SNX19: variants seen among roughly 807,000 people sequenced by gnomAD.
The protein encoded by SNX19 is sorting nexin 19.
SNX19 carries 60 observed loss-of-function variants against 85.2 expected under a neutral mutation model. That is an observed-to-expected ratio of 0.70 (90% CI 0.57 to 0.87). The LOEUF (loss-of-function observed/expected upper bound fraction) is 0.87, where lower values mean the gene tolerates loss of function less well. Among genes scored for constraint, SNX19 ranks in the 40% least tolerant of loss-of-function variants. The pLI, the probability that SNX19 is intolerant of heterozygous loss-of-function variation, is 0.00. For missense variants in SNX19, 1,201 were observed against 1,217.8 expected, an observed-to-expected ratio of 0.99 and a Z score of 0.21; for synonymous variants, 520 against 470.0, an observed-to-expected ratio of 1.11 and a Z score of -1.38.
chr11:130,885,089 G>C (rs1943964488), intron 8 of SNX19, among the ~76,000 whole-genome samples: 1 of 151,950 alleles, frequency 6.6e-6, no homozygotes, highest in African/African-American at 2.4e-5. Flanking sequence ...TCCCAAAGAA[G>C]AGAAGAAAAA....
At chr11:130,885,037 A>C (rs559049890) in intron 8 of SNX19, among the ~76,000 whole-genome samples, 79 of 152,248 alleles carry the variant, frequency 5.2e-4, no homozygotes, top group Admixed American at 8.5e-4. Flanking sequence ...TCCAGGTCTG[A>C]TATTTGATTT....
chr11:130,903,714 C>CAT (rs1218064524), intron 7 of SNX19, among the ~76,000 whole-genome samples: 2 of 93,380 alleles, frequency 2.1e-5, no homozygotes, highest in African/African-American at 8.2e-5. Context: ...TATATATACA[C>CAT]ATACACACAC....
At chr11:130,907,649 C>T (rs927727571) in intron 5 of SNX19, among the ~76,000 whole-genome samples, 1 of 152,182 alleles carries the variant, frequency 6.6e-6, no homozygotes, top group African/African-American at 2.4e-5. Flanking sequence ...TCTCAATTTT[C>T]CAGGAAAAGA....
At chr11:130,909,486 T>G (rs1254268263) in intron 4 of SNX19, among the ~76,000 whole-genome samples, 4 of 152,210 alleles carry the variant, frequency 2.6e-5, no homozygotes, top group African/African-American at 9.7e-5. Context: ...GCTTACAAGC[T>G]CTGACATGTT....
At chr11:130,894,901 C>T in intron 8 of SNX19, 1 of 985,364 alleles carries the variant, frequency 1.0e-6, no homozygotes, top group Non-Finnish European at 1.2e-6. Context: ...ATCTCTTATC[C>T]CCCCAAAGAA....
At chr11:130,905,929 G>A (rs1435338390) in intron 7 of SNX19, 24 bp downstream of exon 7, 3 of 1,614,154 alleles carry the variant, frequency 1.9e-6, no homozygotes, top group Non-Finnish European at 2.5e-6. Flanking sequence ...CCTTCTCCAT[G>A]GGAGCAGAGA....
intron 7 of SNX19, among the ~76,000 whole-genome samples, chr11:130,903,696 C>T (rs1051667241): frequency 1.5e-5 from 2 of 134,618 alleles, no homozygotes; most frequent in African/African-American, 5.5e-5. Flanking sequence ...TGTATATATA[C>T]ATATATATAT....
Position 130,914,373 on chromosome 11 carries a change from T to A in SNX19, c.1567A>T (p.Ser523Cys). 1 of 1,613,892 alleles carries A rather than the reference T, an allele frequency of 6.2e-7. No homozygotes were observed. The highest frequency in any genetic ancestry group is 1.7e-4 in the Middle Eastern group (1 of 6,044). ...SATFSFEPLS[S>C]PDGPVIIQNL... ...TGGATGATAACTGGACCATCGGGAC[T>A]GCTTAGGGGCTCAAAGCTGAAGGTG... The change falls in exon 1 of 11, where the codon AGT becomes TGT. Residue 523 changes from serine to cysteine, a missense_variant. Ser to Cys is a moderately radical substitution (Grantham distance 112, BLOSUM62 -1). Transcript: ENST00000265909.
Position 130,866,716 on chromosome 11 carries a change from A to G in SNX19, c.*11706T>C, listed in dbSNP as rs1240486853. The G allele has an allele frequency of 2.0e-5, 3 of 152,252 alleles. No homozygotes were observed. The highest frequency in any genetic ancestry group is 7.2e-5 in the African/African-American group (3 of 41,458). The allele number at this position is 152,252 out of a possible 1,614,324, so 9.4% of individuals were successfully genotyped here. A position where few individuals can be genotyped will look rare whatever the true frequency, so the allele number is the denominator to read the frequency against. ...CAGAGTGCCAGGAGCCCTTAGCTCT[A>G]GACTTACTGAACAGAAAGACCTTGG... On this transcript the variant is annotated 3_prime_UTR_variant, in exon 11 of 11. Transcript: ENST00000265909.
At chr11:130,884,258 A>C (rs1943891073) in intron 8 of SNX19, among the ~76,000 whole-genome samples, 1 of 152,206 alleles carries the variant, frequency 6.6e-6, no homozygotes, top group Non-Finnish European at 1.5e-5. Context: ...CGGAAGACAA[A>C]GACATTAGGT....
At chr11:130,892,987 G>C (rs1025209098) in intron 8 of SNX19, 4 of 152,220 alleles carry the variant, frequency 2.6e-5, no homozygotes, top group Non-Finnish European at 1.5e-5. Flanking sequence ...GGCAGGGAGA[G>C]GGAGCAAAAC....
At chr11:130,887,468 C>T (rs546840140) in intron 8 of SNX19, among the ~76,000 whole-genome samples, 4 of 152,290 alleles carry the variant, frequency 2.6e-5, no homozygotes, top group Non-Finnish European at 4.4e-5. Context: ...TGTAATATAA[C>T]GGCATAGACA....
At chr11:130,883,262 G>A (rs1943813854) in intron 8 of SNX19, among the ~76,000 whole-genome samples, 1 of 152,194 alleles carries the variant, frequency 6.6e-6, no homozygotes, top group African/African-American at 2.4e-5. Context: ...TGATGAAGAT[G>A]AGTCTATGAG....
At chr11:130,902,903 C>T (rs1945353273) in intron 8 of SNX19, among the ~76,000 whole-genome samples, 1 of 152,170 alleles carries the variant, frequency 6.6e-6, no homozygotes, top group Non-Finnish European at 1.5e-5. Context: ...GACATAATGT[C>T]AGTTGAGACA....
At chr11:130,909,482 AAG>A (rs1242413885) in intron 4 of SNX19, among the ~76,000 whole-genome samples, 4 of 152,214 alleles carry the variant, frequency 2.6e-5, no homozygotes, top group African/African-American at 9.7e-5. Flanking sequence ...CACTGCTTAC[AAG>A]CTCTGACATG....
At chr11:130,886,836 G>C (rs1275335090) in intron 8 of SNX19, among the ~76,000 whole-genome samples, 3 of 152,150 alleles carry the variant, frequency 2.0e-5, no homozygotes, top group African/African-American at 7.2e-5. Context: ...CTCAGCTCTA[G>C]GCTTCTGTCC....
In SNX19 at chr11:130,878,799, T is replaced by C. The variant is rs371888895; in HGVS notation, c.2847-245A>G. Among the ~76,000 whole-genome samples the C allele has an allele frequency of 1.1e-4, 17 of 152,344 alleles. No individual in the cohort carries two copies. In the East Asian group the frequency reaches 2.9e-3, roughly 26 times the overall value. The stretch of plus-strand genomic sequence containing the variant: ...AGTTTTATAAAATTCCATTTCTCTT[T>C]ACATAGTTACATTAGCACTGCTCTG... On this transcript the variant is annotated intron_variant, in intron 10 of 10. Transcript: ENST00000265909.
intron 8 of SNX19, among the ~76,000 whole-genome samples, chr11:130,899,516 C>G (rs191840115): frequency 5.3e-5 from 8 of 152,250 alleles, no homozygotes; most frequent in Non-Finnish European, 7.4e-5. Flanking sequence ...CATGAATGGC[C>G]TCAAACAGAG....
rs1454132931 is a variant in SNX19 at position 130,866,389 on chromosome 11, G to A, written c.*12033C>T. On this transcript the variant is annotated 3_prime_UTR_variant, in exon 11 of 11. Transcript: ENST00000265909. Reference sequence around the variant, plus strand: ...GTATTCAGAGAATTCTAAGACAAATGGTCAAATATTCAAATGGCCTGGCAC... The same window carrying A: ...GTATTCAGAGAATTCTAAGACAAATAGTCAAATATTCAAATGGCCTGGCAC... 6.6e-6 allele frequency: 1 copy of A among 152,154 alleles called. No individual in the cohort carries two copies. The highest frequency in any genetic ancestry group is 2.4e-5 in the African/African-American group (1 of 41,436). 9.4% of individuals were successfully genotyped at this position (152,154 alleles called of 1,614,324 possible). A position where few individuals can be genotyped will look rare whatever the true frequency, so the allele number is the denominator to read the frequency against.
Sources: allele counts gnomAD v4.1 joint callset (sites outside exome capture counted in the v4.1 genomes callset), GRCh38; gene constraint gnomAD v4.1.1; transcripts MANE v1.5; gene names NCBI Gene and HGNC (gene_info 2026-07-23, HGNC 2026-07-21).